RNF180: variants seen among roughly 807,000 people sequenced by gnomAD.
The protein encoded by RNF180 is ring finger protein 180.
RNF180 carries 38 observed loss-of-function variants against 59.2 expected under a neutral mutation model. The ratio of observed to expected loss-of-function variants is 0.64; its 90% CI spans 0.50 to 0.84. The LOEUF (loss-of-function observed/expected upper bound fraction) is 0.84. Among genes scored for constraint, RNF180 ranks in the 40% least tolerant of loss-of-function variants. The pLI, the probability that RNF180 is intolerant of heterozygous loss-of-function variation, is 0.00. For missense variants in RNF180, 705 were observed against 700.9 expected, an observed-to-expected ratio of 1.01 and a Z score of -0.07; for synonymous variants, 262 against 240.3, an observed-to-expected ratio of 1.09 and a Z score of -0.84.
intron 5 of RNF180, among the ~76,000 whole-genome samples, chr5:64,241,631 T>C (rs1241700014): frequency 6.6e-6 from 1 of 152,208 alleles, no homozygotes; most frequent in Non-Finnish European, 1.5e-5. Context: ...ATGAGTCTTA[T>C]ACATCAATTT....
intron 5 of RNF180, among the ~76,000 whole-genome samples, chr5:64,317,673 G>GGA (rs1744127829): frequency 6.6e-6 from 1 of 150,596 alleles, no homozygotes; most frequent in Admixed American, 6.6e-5. Context: ...TATCCACAGA[G>GGA]GATATGGTCC....
intron 2 of RNF180, among the ~76,000 whole-genome samples, chr5:64,202,414 G>C (rs1037557282): frequency 6.6e-6 from 1 of 151,958 alleles, no homozygotes; most frequent in South Asian, 2.1e-4. Context: ...ATTGGCATTC[G>C]TTCCAGTTTT....
chr5:64,337,907 G>T (rs935523673), intron 7 of RNF180, among the ~76,000 whole-genome samples: 1 of 152,024 alleles, frequency 6.6e-6, no homozygotes, highest in Admixed American at 6.6e-5. Context: ...ATCTATCATT[G>T]TTGGACATTT....
intron 5 of RNF180, among the ~76,000 whole-genome samples, chr5:64,290,166 G>C (rs1023276975): frequency 6.6e-6 from 1 of 152,186 alleles, no homozygotes; most frequent in South Asian, 2.1e-4. Context: ...GGAACAGATA[G>C]TTCCGTTTCC....
At chr5:64,207,406 G>A (rs1349891859) in intron 2 of RNF180, among the ~76,000 whole-genome samples, 1 of 152,094 alleles carries the variant, frequency 6.6e-6, no homozygotes, top group Non-Finnish European at 1.5e-5. Flanking sequence ...CGTGTTCAAA[G>A]GCCCTGTGGT....
chr5:64,329,616 C>T (rs926822311), intron 6 of RNF180, among the ~76,000 whole-genome samples: 2 of 151,954 alleles, frequency 1.3e-5, no homozygotes, highest in African/African-American at 4.8e-5. Flanking sequence ...TGCCACCATG[C>T]CCAGCTAATT....
chr5:64,182,783 A>T (rs1355799701), intron 1 of RNF180, among the ~76,000 whole-genome samples: 1 of 152,216 alleles, frequency 6.6e-6, no homozygotes, highest in Non-Finnish European at 1.5e-5. Context: ...GAAAAAGTTT[A>T]AAGTAAAGAA....
At chr5:64,250,215 C>T (rs529458384) in intron 5 of RNF180, among the ~76,000 whole-genome samples, 1 of 151,962 alleles carries the variant, frequency 6.6e-6, no homozygotes, top group Non-Finnish European at 1.5e-5. Flanking sequence ...CCTGAACAAC[C>T]AATGGGTTAG....
chr5:64,250,347 A>G (rs991542382), intron 5 of RNF180, among the ~76,000 whole-genome samples: 1 of 152,130 alleles, frequency 6.6e-6, no homozygotes, highest in Non-Finnish European at 1.5e-5. Flanking sequence ...TCAACCTAGC[A>G]TTGAACCTCA....
chr5:64,262,808 G>T (rs1210919594), intron 5 of RNF180, among the ~76,000 whole-genome samples: 1 of 152,084 alleles, frequency 6.6e-6, no homozygotes, highest in Non-Finnish European at 1.5e-5. Flanking sequence ...ATTTTTGTGA[G>T]CCACAGGTAC....
chr5:64,320,872 A>T (rs1378885330), intron 5 of RNF180, among the ~76,000 whole-genome samples: 1 of 152,100 alleles, frequency 6.6e-6, no homozygotes, highest in African/African-American at 2.4e-5. Flanking sequence ...CCCTGTCTCT[A>T]CTAAAAATAC....
At chr5:64,319,028 C>T (rs1413832520) in intron 5 of RNF180, among the ~76,000 whole-genome samples, 2 of 152,092 alleles carry the variant, frequency 1.3e-5, no homozygotes, top group Non-Finnish European at 2.9e-5. Flanking sequence ...AAAGTTCGTT[C>T]ATCATTTGTA....
intron 5 of RNF180, among the ~76,000 whole-genome samples, chr5:64,254,896 T>C (rs1743836774): frequency 6.6e-6 from 1 of 152,148 alleles, no homozygotes; most frequent in South Asian, 2.1e-4. Context: ...TCTGAGCCAT[T>C]TGAAGTGATA....
chr5:64,232,193 CTTAGGAACATAT>C (rs998036754), intron 5 of RNF180, among the ~76,000 whole-genome samples: 4 of 152,176 alleles, frequency 2.6e-5, no homozygotes, highest in African/African-American at 9.6e-5. Flanking sequence ...AGAGATTTAC[CTTAGGAACATAT>C]TTAGGGAAGA....
chr5:64,362,284 T>C (rs1340434003), intron 7 of RNF180, among the ~76,000 whole-genome samples: 1 of 151,780 alleles, frequency 6.6e-6, no homozygotes, highest in Non-Finnish European at 1.5e-5. Context: ...TTCCCCTCTT[T>C]GTGTCCATGT....
chr5:64,270,048 C>A lies in RNF180; in HGVS notation c.1227+52652C>A, dbSNP rs374006233. Reference sequence around the variant, plus strand: ...AATAACACACACACACACACACACACAAAAGCCTTTAGTGGATCGTAAATC... The same window carrying A: ...AATAACACACACACACACACACACAAAAAAGCCTTTAGTGGATCGTAAATC... On this transcript the variant is annotated intron_variant, in intron 5 of 7. Coordinates refer to ENST00000389100, the MANE Select transcript of RNF180 (RefSeq NM_001113561.2). 2.0e-3 allele frequency among the ~76,000 whole-genome samples: 304 copies of A among 149,618 alleles called. 1 individual carries two copies. The highest frequency in any genetic ancestry group is 6.2e-3 in the African/African-American group (250 of 40,566).
intron 7 of RNF180, among the ~76,000 whole-genome samples, chr5:64,352,194 G>A (rs1019915954): frequency 1.3e-5 from 2 of 151,954 alleles, no homozygotes; most frequent in Admixed American, 1.3e-4. Context: ...TTGCATAGAG[G>A]TGTTTATAGT....
chr5:64,271,608 C>T (rs1035977456), intron 5 of RNF180, among the ~76,000 whole-genome samples: 5 of 151,984 alleles, frequency 3.3e-5, no homozygotes, highest in African/African-American at 1.2e-4. Context: ...CGACACATTT[C>T]TCAGAACATA....
intron 7 of RNF180, among the ~76,000 whole-genome samples, chr5:64,343,976 A>C (rs1191285631): frequency 1.3e-5 from 2 of 151,666 alleles, no homozygotes; most frequent in Non-Finnish European, 2.9e-5. Context: ...CTGAAGACAG[A>C]CATCAGTACC....
Sources: gnomAD v4.1 joint callset for allele counts (sites outside exome capture counted in the v4.1 genomes callset) on GRCh38, gnomAD v4.1.1 for gene constraint, MANE v1.5 for transcripts, NCBI Gene and HGNC (gene_info 2026-07-23, HGNC 2026-07-21) for gene names.